DLGAP2: variants seen among roughly 807,000 people sequenced by gnomAD.
DLGAP2 encodes the protein disks large-associated protein 2.
Under a neutral mutation model 100.3 loss-of-function variants are expected in DLGAP2, and 26 were observed. That is an observed-to-expected ratio of 0.26 (90% CI 0.19 to 0.36). The LOEUF (loss-of-function observed/expected upper bound fraction) is 0.36, where lower values mean the gene tolerates loss of function less well. DLGAP2 is among the 10% of genes least tolerant of loss of function. DLGAP2 has a pLI of 1.00. For missense variants in DLGAP2, 1,858 were observed against 1,453.2 expected (o/e 1.28, Z -4.53); for synonymous variants, 886 against 630.1 (o/e 1.41, Z -6.08).
chr8:1,431,393 C>T (rs1404153954), intron 3 of DLGAP2, among the ~76,000 whole-genome samples: 1 of 152,254 alleles, frequency 6.6e-6, no homozygotes, highest in Non-Finnish European at 1.5e-5. Flanking sequence ...TCCATGCTGA[C>T]AACCTACTGG....
intron 3 of DLGAP2, among the ~76,000 whole-genome samples, chr8:1,391,657 A>T (rs781076530): frequency 6.6e-6 from 1 of 152,238 alleles, no homozygotes. Context: ...AGATGGGTTC[A>T]TAAAAGGTTT....
intron 3 of DLGAP2, among the ~76,000 whole-genome samples, chr8:1,303,909 G>A (rs1458306633): frequency 2.0e-5 from 3 of 152,148 alleles, no homozygotes; most frequent in African/African-American, 7.2e-5. Flanking sequence ...GGGATTTTGA[G>A]GCCATTCACC....
intron 3 of DLGAP2, among the ~76,000 whole-genome samples, chr8:1,469,338 C>T (rs952007334): frequency 6.6e-6 from 1 of 152,242 alleles, no homozygotes; most frequent in Non-Finnish European, 1.5e-5. Flanking sequence ...AGGCCCCGTA[C>T]GAGAGCGAAG....
At chr8:1,298,459 G>A (rs144805517) in intron 3 of DLGAP2, among the ~76,000 whole-genome samples, 5 of 152,286 alleles carry the variant, frequency 3.3e-5, no homozygotes, top group Admixed American at 1.3e-4. Context: ...GTATAAATAC[G>A]GTTTCATGGG....
At chr8:968,755 A>G (rs912237290) in intron 2 of DLGAP2, among the ~76,000 whole-genome samples, 2 of 152,148 alleles carry the variant, frequency 1.3e-5, no homozygotes, top group East Asian at 1.9e-4. Flanking sequence ...GCAGCATGGT[A>G]TGTCCTCACC....
intron 2 of DLGAP2, among the ~76,000 whole-genome samples, chr8:1,206,920 A>G (rs1798009001): frequency 1.3e-5 from 2 of 151,842 alleles, no homozygotes; most frequent in Non-Finnish European, 2.9e-5. Flanking sequence ...TCCATCCACA[A>G]GTGTTCCTTG....
chr8:1,236,305 C>G (rs1276445385), intron 2 of DLGAP2, among the ~76,000 whole-genome samples: 1 of 59,092 alleles, frequency 1.7e-5, no homozygotes, highest in Non-Finnish European at 3.6e-5. Flanking sequence ...GTCTAGTTCT[C>G]TCACATGGCG....
chr8:1,072,242 G>A (rs917982451), intron 2 of DLGAP2, among the ~76,000 whole-genome samples: 1 of 152,172 alleles, frequency 6.6e-6, no homozygotes, highest in African/African-American at 2.4e-5. Flanking sequence ...ATGGTGTTCA[G>A]ATGCAGGGCA....
chr8:1,669,663 C>A (rs1185374328), intron 9 of DLGAP2, 80 bp from the exon 10 acceptor site: 1 of 777,380 alleles, frequency 1.3e-6, no homozygotes, highest in Non-Finnish European at 2.4e-6. Flanking sequence ...GGCATGCGGG[C>A]GGAGAGAGCA....
intron 6 of DLGAP2, among the ~76,000 whole-genome samples, chr8:1,593,365 G>T (rs1293328906): frequency 6.6e-6 from 1 of 152,050 alleles, no homozygotes; most frequent in Non-Finnish European, 1.5e-5. Flanking sequence ...TGAGGCAGGA[G>T]AATCACGTGA....
chr8:1,436,661 G>A (rs1364307044), intron 3 of DLGAP2, among the ~76,000 whole-genome samples: 2 of 152,188 alleles, frequency 1.3e-5, no homozygotes, highest in African/African-American at 4.8e-5. Context: ...CAAGTTTGCA[G>A]TGTGTGTAGA....
At chr8:839,850 A>G (rs1308245500) in intron 1 of DLGAP2, among the ~76,000 whole-genome samples, 2 of 152,166 alleles carry the variant, frequency 1.3e-5, no homozygotes, top group African/African-American at 4.8e-5. Context: ...CTTTTGATCC[A>G]CGGCCTCTTC....
At chr8:945,925 T>C (rs1799307685) in intron 2 of DLGAP2, among the ~76,000 whole-genome samples, 1 of 152,116 alleles carries the variant, frequency 6.6e-6, no homozygotes, top group African/African-American at 2.4e-5. Flanking sequence ...ACATGGGAAG[T>C]TCCTGGAAAG....
chr8:1,131,759 G>C (rs1796300539), intron 2 of DLGAP2, among the ~76,000 whole-genome samples: 1 of 152,184 alleles, frequency 6.6e-6, no homozygotes, highest in African/African-American at 2.4e-5. Context: ...GACATTTCCT[G>C]TATTTCTAGC....
At chr8:1,437,452 A>G (rs753146851) in intron 3 of DLGAP2, among the ~76,000 whole-genome samples, 58 of 152,226 alleles carry the variant, frequency 3.8e-4, no homozygotes, top group Non-Finnish European at 7.2e-4. Context: ...TTGTAGCGTA[A>G]GACGATGTTT....
chr8:1,292,037 G>A (rs1268178304), intron 3 of DLGAP2, among the ~76,000 whole-genome samples: 1 of 152,234 alleles, frequency 6.6e-6, no homozygotes, highest in African/African-American at 2.4e-5. Flanking sequence ...TTAGAGATGT[G>A]ACATCAATAG....
chr8:1,609,651 T>C (rs1244505115), intron 6 of DLGAP2, among the ~76,000 whole-genome samples: 1 of 114,924 alleles, frequency 8.7e-6, no homozygotes, highest in Non-Finnish European at 1.9e-5. Context: ...CCATCTCACG[T>C]GCAGAGACAC....
chr8:1,291,528 A>G (rs1454495126), intron 3 of DLGAP2, among the ~76,000 whole-genome samples: 1 of 152,108 alleles, frequency 6.6e-6, no homozygotes, highest in Admixed American at 6.5e-5. Context: ...CATGACACAG[A>G]GGGTTTTGTG....
At chr8:1,565,549 C>T in intron 5 of DLGAP2, 134 bp from the exon 6 acceptor site, 1 of 698,234 alleles carries the variant, frequency 1.4e-6, no homozygotes. Flanking sequence ...TTTTATACAT[C>T]TGACTTTAAC....
Sources: allele counts gnomAD v4.1 joint callset (sites outside exome capture counted in the v4.1 genomes callset), GRCh38; gene constraint gnomAD v4.1.1; transcripts MANE v1.5; gene names NCBI Gene and HGNC (gene_info 2026-07-23, HGNC 2026-07-21).